Variants in MRC1 observed in about 807,000 individuals in gnomAD.
MRC1 encodes the protein mannose receptor C-type 1.
Under a neutral mutation model 102.9 loss-of-function variants are expected in MRC1, and 62 were observed. The observed-to-expected ratio is 0.60, with a 90% CI of 0.49 to 0.74. The LOEUF (loss-of-function observed/expected upper bound fraction) is 0.74, where lower values mean the gene tolerates loss of function less well. MRC1 is among the 30% of genes least tolerant of loss of function. The pLI is 0.00. For synonymous variants in MRC1, 457 were observed against 298.4 expected, an observed-to-expected ratio of 1.53 and a Z score of -5.48; for missense variants, 1,237 against 862.8, an observed-to-expected ratio of 1.43 and a Z score of -5.43.
At chr10:17,811,513 A>G (rs1838221210) in intron 1 of MRC1, among the ~76,000 whole-genome samples, 1 of 146,426 alleles carries the variant, frequency 6.8e-6, no homozygotes, top group East Asian at 2.0e-4. Context: ...CAAAAAATTC[A>G]AGGGACCCCC....
intron 26 of MRC1, among the ~76,000 whole-genome samples, chr10:17,905,701 C>G (rs1833885751): frequency 6.6e-6 from 1 of 152,054 alleles, no homozygotes; most frequent in Non-Finnish European, 1.5e-5. Context: ...GCAGTGAAAA[C>G]AAGGCGATAA....
chr10:17,836,875 AG>A (rs2130618772), intron 4 of MRC1, among the ~76,000 whole-genome samples: 1 of 152,144 alleles, frequency 6.6e-6, no homozygotes, highest in Non-Finnish European at 1.5e-5. Flanking sequence ...AAAAAAGGAA[AG>A]AAAATATATC....
rs1034873285 is a variant in MRC1, at chr10:17,823,502, G to T, written c.463+27G>T. 5 of 779,992 alleles carry T rather than the reference G, an allele frequency of 6.4e-6. No homozygotes were observed. In the African/African-American group the frequency reaches 8.5e-5, roughly 13 times the overall value. The allele number at this position is 779,992 out of a possible 1,614,324, so 48.3% of individuals were successfully genotyped here. The stretch of plus-strand genomic sequence containing the variant: ...TAAGATGCCTGGAATTTTCACCTTC[G>T]TGTTGAAATTTTCTCGTCTTCTTAG... On this transcript the variant is annotated intron_variant, in intron 2 of 29. Transcript: ENST00000569591.
chr10:17,892,564 A>G (rs1589193777), intron 22 of MRC1, among the ~76,000 whole-genome samples: 4 of 152,170 alleles, frequency 2.6e-5, no homozygotes. Context: ...TGTGGTTGGG[A>G]GTGACAACTT....
intron 25 of MRC1, among the ~76,000 whole-genome samples, chr10:17,901,408 G>A (rs1029451515): frequency 1.3e-5 from 2 of 152,198 alleles, no homozygotes; most frequent in Non-Finnish European, 2.9e-5. Flanking sequence ...TTATCTTTGG[G>A]CCGGGTGCGG....
intron 28 of MRC1, 139 bp from the exon 29 acceptor site, chr10:17,909,167 A>G (rs1833935736): frequency 2.9e-5 from 19 of 666,436 alleles, no homozygotes; most frequent in Non-Finnish European, 5.2e-5. Context: ...GTATTTTTAT[A>G]TCTATCATAT....
intron 25 of MRC1, 95 bp from the exon 26 acceptor site, chr10:17,901,877 TG>T: frequency 1.3e-6 from 1 of 771,244 alleles, no homozygotes; most frequent in Non-Finnish European, 2.4e-6. Context: ...TTTAAAATAA[TG>T]ATCAATGATC....
chr10:17,890,954 C>T (rs1305926030), intron 22 of MRC1, among the ~76,000 whole-genome samples: 1 of 151,918 alleles, frequency 6.6e-6, no homozygotes, highest in East Asian at 1.9e-4. Context: ...CTCATAGAAA[C>T]GTGAACCCTA....
intron 1 of MRC1, among the ~76,000 whole-genome samples, chr10:17,810,427 G>A (rs1374624013): frequency 6.6e-6 from 1 of 152,122 alleles, no homozygotes; most frequent in Non-Finnish European, 1.5e-5. Context: ...TGTGAAGGCG[G>A]GTGGGAAGTT....
intron 9 of MRC1, among the ~76,000 whole-genome samples, chr10:17,860,356 G>T (rs1833166522): frequency 6.6e-6 from 1 of 150,552 alleles, no homozygotes; most frequent in Non-Finnish European, 1.5e-5. Context: ...GCTCACTGTA[G>T]CCTCCACCTC....
intron 6 of MRC1, among the ~76,000 whole-genome samples, chr10:17,846,675 C>T (rs981301464): frequency 2.6e-4 from 39 of 152,078 alleles, no homozygotes; most frequent in Non-Finnish European, 5.0e-4. Flanking sequence ...ATACAAATGG[C>T]AGTATACTAT....
chr10:17,910,469 C>A lies in MRC1; in HGVS notation c.*4C>A. 1 of 780,728 alleles carries A rather than the reference C, an allele frequency of 1.3e-6. No individual in the cohort carries two copies. Among genetic ancestry groups the A allele is most frequent in the Non-Finnish European group, 2.4e-6 (1 of 417,922 alleles). The allele number at this position is 780,728 out of a possible 1,614,324, so 48.4% of individuals were successfully genotyped here. ...GAATGAACACTCGGTCATCTAGTAC[C>A]TCAATGCGATTCTGAGATATTTGAA... is the stretch of plus-strand genomic sequence containing the variant. On this transcript the variant is annotated 3_prime_UTR_variant, in exon 30 of 30. Transcript: ENST00000569591.
chr10:17,883,557 C>T (rs1196593541), intron 21 of MRC1, among the ~76,000 whole-genome samples: 5 of 151,780 alleles, frequency 3.3e-5, no homozygotes, highest in Non-Finnish European at 5.9e-5. Flanking sequence ...AAAGAGTAAG[C>T]GTATAGCAAT....
At chr10:17,819,649 G>A (rs1589163823) in intron 1 of MRC1, among the ~76,000 whole-genome samples, 1 of 152,168 alleles carries the variant, frequency 6.6e-6, no homozygotes, top group African/African-American at 2.4e-5. Context: ...GTTTGAGACT[G>A]AAGCAGTCTA....
intron 11 of MRC1, among the ~76,000 whole-genome samples, chr10:17,866,307 G>GGGGAGGAAGGGAGGAAGGAA: frequency 6.6e-6 from 1 of 152,094 alleles, no homozygotes. Context: ...GAAGGAAGGA[G>GGGGAGGAAGGGAGGAAGGAA]GGAGGGAGAG....
chr10:17,844,144 A>T (rs1454830532), intron 5 of MRC1, among the ~76,000 whole-genome samples: 10 of 152,200 alleles, frequency 6.6e-5, no homozygotes, highest in African/African-American at 2.4e-4. Context: ...AGTTGAAGAT[A>T]TTGAGACAGT....
At chr10:17,839,834 G>A (rs34414287) in intron 4 of MRC1, among the ~76,000 whole-genome samples, 17,932 of 151,544 alleles carry the variant, frequency 0.12, 1,081 homozygotes, top group Middle Eastern at 0.17. Context: ...TGAGGTGGGC[G>A]GATCACCTGA....
At position 17,885,256 on chromosome 10, in the gene MRC1, A is replaced by C. The variant is rs1833575636; in HGVS notation, c.2981-13A>C. On this transcript the variant is annotated splice_polypyrimidine_tract_variant and intron_variant, in intron 21 of 29. Transcript: ENST00000569591. ...CTCAAAGTTTAAAATTATATCATGA[A>C]ATTTTCTTTCAGCATTTCTTACCTA... 1 of 780,674 alleles carries C rather than the reference A, an allele frequency of 1.3e-6. No individual in the cohort carries two copies. The highest frequency in any genetic ancestry group is 2.4e-6 in the Non-Finnish European group (1 of 417,946). The allele number at this position is 780,674 out of a possible 1,614,324, so 48.4% of individuals were successfully genotyped here.
In MRC1 at chr10:17,910,701, C is replaced by T. The variant is rs1833957702; in HGVS notation, c.*236C>T. On this transcript the variant is annotated 3_prime_UTR_variant, in exon 30 of 30. Transcript: ENST00000569591. ...TTTTAAAATATTTTAGATAAATGCA[C>T]AGCACCACAGCACCACATCTAAGCA... The T allele has an allele frequency of 1.9e-6, 1 of 535,242 alleles. No homozygotes were observed. The highest frequency in any genetic ancestry group is 3.3e-6 in the Non-Finnish European group (1 of 299,322). 33.2% of individuals were successfully genotyped at this position (535,242 alleles called of 1,614,324 possible). A position where few individuals can be genotyped will look rare whatever the true frequency, so the allele number is the denominator to read the frequency against.
Sources: allele counts gnomAD v4.1 joint callset (sites outside exome capture counted in the v4.1 genomes callset), GRCh38; gene constraint gnomAD v4.1.1; transcripts MANE v1.5; gene names NCBI Gene and HGNC (gene_info 2026-07-23, HGNC 2026-07-21).